Variants in CD37 observed in about 807,000 individuals in gnomAD.
CD37 encodes CD37 molecule.
In CD37, 37 loss-of-function variants were observed where a neutral mutation model predicts 38.9. The ratio of observed to expected loss-of-function variants is 0.95; its 90% CI spans 0.73 to 1.25. The LOEUF is 1.25. Ranked by LOEUF, CD37 falls within the 50% of genes most tolerant of loss-of-function variation. The probability of loss-of-function intolerance (pLI) is 0.00; values close to 1 mark genes in which losing one functional copy is unlikely to be tolerated. For synonymous variants in CD37, 146 were observed against 150.1 expected (o/e 0.97, Z 0.20); for missense variants, 351 against 360.1 (o/e 0.97, Z 0.20).
In CD37 at chr19:49,339,533, G is replaced by T. The variant is rs1971116916; in HGVS notation, c.768+120G>T. On this transcript the variant is annotated intron_variant, in intron 7 of 7. Transcript: ENST00000323906. This position sits in a 1 kb window ranked among gnomAD's most constrained non-coding sequence, Gnocchi z 4.5. ...CTCAGGGCGGAGCGCAGCCCACCCC[G>T]GCCCTCCCGCCGCTCCACCCAGCAC... The T allele has an allele frequency of 6.8e-7, 1 of 1,470,808 alleles. No homozygotes were observed. The highest frequency in any genetic ancestry group is 2.3e-5 in the East Asian group (1 of 42,628). The allele number at this position is 1,470,808 out of a possible 1,614,324, so 91.1% of individuals were successfully genotyped here.
Position 49,335,682 on chromosome 19 carries a change from C to A in CD37, c.70-32C>A. 4 of 1,612,132 alleles carry A rather than the reference C, an allele frequency of 2.5e-6. No individual in the cohort carries two copies. Among genetic ancestry groups the A allele is most frequent in the Non-Finnish European group, 3.4e-6 (4 of 1,178,270 alleles). ...ACCCAGCCCTCATCTTCCCCTGTGG[C>A]CCACCCCCGTATCCGCATCTCCTCT... On this transcript the variant is annotated intron_variant, in intron 1 of 7. Coordinates refer to ENST00000323906, the MANE Select transcript of CD37 (RefSeq NM_001774.3). This position sits in a 1 kb window ranked among gnomAD's most constrained non-coding sequence, Gnocchi z 4.6.
At position 49,339,325 on chromosome 19, in the gene CD37, C is replaced by G. The variant is rs770553318; in HGVS notation, c.685-5C>G. 2.6e-5 allele frequency: 42 copies of G among 1,613,500 alleles called. No individual in the cohort carries two copies. The highest frequency in any genetic ancestry group is 1.6e-4 in the Middle Eastern group (1 of 6,084). On this transcript the variant is annotated splice_region_variant and splice_polypyrimidine_tract_variant and intron_variant, in intron 6 of 7. Transcript: ENST00000323906. This position sits in a 1 kb window ranked among gnomAD's most constrained non-coding sequence, Gnocchi z 4.5. ...ATCCCTTTAACTTTTCCCTACACCC[C>G]CCAGGGCTGCGCGCAGGGCCTCCAG...
At position 49,339,229 on chromosome 19, in the gene CD37, G is replaced by T. The variant is rs1197570231; in HGVS notation, c.685-101G>T. On this transcript the variant is annotated intron_variant, in intron 6 of 7. Transcript: ENST00000323906. This position sits in a 1 kb window ranked among gnomAD's most constrained non-coding sequence, Gnocchi z 4.5. ...AGTGCCCTGGTGACTAGGGGAGCGGGTAGATGCCTGAAGACGGTGAGGGTT... is the reference window on the plus strand; with the variant it reads ...AGTGCCCTGGTGACTAGGGGAGCGGTTAGATGCCTGAAGACGGTGAGGGTT... 22 of 1,035,082 alleles carry T rather than the reference G, an allele frequency of 2.1e-5. No individual in the cohort carries two copies. In the Admixed American group the frequency reaches 4.2e-4, roughly 20 times the overall value. 64.1% of individuals were successfully genotyped at this position (1,035,082 alleles called of 1,614,324 possible).
chr19:49,340,197 C>T (rs1207588047), intron 7 of CD37, 54 bp from the exon 8 acceptor site: 1 of 1,541,378 alleles, frequency 6.5e-7, no homozygotes, highest in African/African-American at 1.4e-5. Flanking sequence ...GGGCATCACC[C>T]CCGTCTCGCC....
Position 49,339,196 on chromosome 19 carries a change from G to A in CD37, c.685-134G>A, listed in dbSNP as rs1971090511. 1 of 801,594 alleles carries A rather than the reference G, an allele frequency of 1.2e-6. No individual in the cohort carries two copies. Among genetic ancestry groups the A allele is most frequent in the Non-Finnish European group, 2.1e-6 (1 of 482,202 alleles). The allele number at this position is 801,594 out of a possible 1,614,324, so 49.7% of individuals were successfully genotyped here. A position where few individuals can be genotyped will look rare whatever the true frequency, so the allele number is the denominator to read the frequency against. On this transcript the variant is annotated intron_variant, in intron 6 of 7. Transcript: ENST00000323906. This position sits in a 1 kb window ranked among gnomAD's most constrained non-coding sequence, Gnocchi z 4.5. Reference sequence around the variant, plus strand: ...GGTGAAGCGAGGGTGCACTAGTAAGGAGACTAGAGTGCCCTGGTGACTAGG... The same window carrying A: ...GGTGAAGCGAGGGTGCACTAGTAAGAAGACTAGAGTGCCCTGGTGACTAGG...
At chr19:49,337,682 AC>A in intron 4 of CD37, 2 of 1,527,966 alleles carry the variant, frequency 1.3e-6, no homozygotes, top group Non-Finnish European at 1.8e-6. Context: ...AAAGGGAAAC[AC>A]ACGGGAAAAA....
At chr19:49,340,188 G>A (rs1971170486) in intron 7 of CD37, 63 bp from the exon 8 acceptor site, 2 of 1,523,348 alleles carry the variant, frequency 1.3e-6, no homozygotes, top group Non-Finnish European at 1.8e-6. Context: ...CGCCCGGGTG[G>A]GCATCACCCC....
chr19:49,339,904 G>A lies in CD37; in HGVS notation c.769-347G>A, dbSNP rs1971145106. 2 of 1,349,610 alleles carry A rather than the reference G, an allele frequency of 1.5e-6. No homozygotes were observed. Among genetic ancestry groups the A allele is most frequent in the South Asian group, 1.6e-5 (1 of 64,314 alleles). The allele number at this position is 1,349,610 out of a possible 1,614,324, so 83.6% of individuals were successfully genotyped here. ...GCTCTGGCCGCTGTGGGTTCAAGAC[G>A]AGGACCAGCCTGACACTGGAAGTGC... On this transcript the variant is annotated intron_variant, in intron 7 of 7. Transcript: ENST00000323906. This position sits in a 1 kb window ranked among gnomAD's most constrained non-coding sequence, Gnocchi z 4.5.
Position 49,339,684 on chromosome 19 carries a change from G to T in CD37, c.768+271G>T. 1.2e-5 allele frequency: 17 copies of T among 1,422,626 alleles called. No individual in the cohort carries two copies. Among genetic ancestry groups the T allele is most frequent in the Non-Finnish European group, 1.6e-5 (17 of 1,093,306 alleles). 88.1% of individuals were successfully genotyped at this position (1,422,626 alleles called of 1,614,324 possible). ...TGACTGTCATGGTGCTGAGCGTACA[G>T]CTACAGCGCAGGGCACTCCGCCGGA... is the stretch of plus-strand genomic sequence containing the variant. On this transcript the variant is annotated intron_variant, in intron 7 of 7. Coordinates refer to ENST00000323906, the MANE Select transcript of CD37 (RefSeq NM_001774.3). The surrounding 1 kb of genome is among the most constrained non-coding windows in gnomAD (Gnocchi z 4.5).
Position 49,339,393 on chromosome 19 carries a change from C to CT in CD37, c.749dup (p.Val252ArgfsTer54). On this transcript the variant is annotated frameshift_variant, in exon 7 of 8. Coordinates refer to ENST00000323906, the MANE Select transcript of CD37 (RefSeq NM_001774.3). LOFTEE classifies it high-confidence loss of function. This position sits in a 1 kb window ranked among gnomAD's most constrained non-coding sequence, Gnocchi z 4.5. The stretch of plus-strand genomic sequence containing the variant: ...CCTTATTTCCATAGTGGGCATTTGC[C>CT]TGGGCGTCGGCCTACTCGAGGTGAT... 1.9e-6 allele frequency: 3 copies of CT among 1,613,988 alleles called. No individual in the cohort carries two copies. Among genetic ancestry groups the CT allele is most frequent in the Non-Finnish European group, 2.5e-6 (3 of 1,179,938 alleles).
chr19:49,338,092 A>C lies in CD37; in HGVS notation c.447+63A>C. 6.3e-7 allele frequency: 1 copy of C among 1,579,742 alleles called. No homozygotes were observed. Among genetic ancestry groups the C allele is most frequent in the East Asian group, 2.3e-5 (1 of 43,372 alleles). Reference sequence around the variant, plus strand: ...CGCCTCAGCCCTGTGCTTGGAGGAGACTCCACCCCAACGTGGGCCCGACCC... The same window carrying C: ...CGCCTCAGCCCTGTGCTTGGAGGAGCCTCCACCCCAACGTGGGCCCGACCC... On this transcript the variant is annotated intron_variant, in intron 5 of 7. Transcript: ENST00000323906. This position sits in a 1 kb window ranked among gnomAD's most constrained non-coding sequence, Gnocchi z 5.0.
In CD37 at chr19:49,335,796, G is replaced by T. The variant is rs1438394808; in HGVS notation, c.142+10G>T. The T allele has an allele frequency of 1.2e-6, 2 of 1,607,236 alleles. No homozygotes were observed. Among genetic ancestry groups the T allele is most frequent in the Non-Finnish European group, 1.7e-6 (2 of 1,174,376 alleles). On this transcript the variant is annotated intron_variant, in intron 2 of 7. Transcript: ENST00000323906. This position sits in a 1 kb window ranked among gnomAD's most constrained non-coding sequence, Gnocchi z 4.6. ...TTCGTGTCCTTTGTGGGTGAGGGGG[G>T]CTGGGGCAGGTGGGAGGGCCTCCCC...
Position 49,339,420 on chromosome 19 carries a change from T to G in CD37, c.768+7T>G. On this transcript the variant is annotated splice_region_variant and intron_variant, in intron 7 of 7. Transcript: ENST00000323906. This position sits in a 1 kb window ranked among gnomAD's most constrained non-coding sequence, Gnocchi z 4.5. ...GGGCGTCGGCCTACTCGAGGTGATC[T>G]GGCCCCGCCCCCACCCGCGATCGGC... 6.2e-7 allele frequency: 1 copy of G among 1,612,624 alleles called. No individual in the cohort carries two copies. Among genetic ancestry groups the G allele is most frequent in the Non-Finnish European group, 8.5e-7 (1 of 1,178,972 alleles).
Position 49,339,150 on chromosome 19 carries a change from G to A in CD37, c.685-180G>A, listed in dbSNP as rs141500664. Among the ~76,000 whole-genome samples, 210 of 152,246 alleles carry A rather than the reference G, an allele frequency of 1.4e-3. 1 individual carries two copies. Among genetic ancestry groups the A allele is most frequent in the African/African-American group, 4.8e-3 (198 of 41,536 alleles). On this transcript the variant is annotated intron_variant, in intron 6 of 7. Transcript: ENST00000323906. The surrounding 1 kb of genome is among the most constrained non-coding windows in gnomAD (Gnocchi z 4.5). The stretch of plus-strand genomic sequence containing the variant: ...CTGGCTCTGGAATACAGATGTCTAG[G>A]GAGGGGCCAGGCTTGGAAAAGGTGA...
rs755365393 is a variant in CD37, at chr19:49,335,759, G to A, written c.115G>A (p.Asp39Asn). Residue 39 changes from aspartate to asparagine, a missense_variant, in exon 2 of 8, where the codon GAC (aspartate) becomes AAC (asparagine). Physicochemically the swap from Asp to Asn is conservative, Grantham distance 23. Coordinates refer to ENST00000323906, the MANE Select transcript of CD37 (RefSeq NM_001774.3). This position sits in a 1 kb window ranked among gnomAD's most constrained non-coding sequence, Gnocchi z 4.6. ...CTGCTTCGGCATCTGGATCCTCATT[G>A]ACAAGACCAGCTTCGTGTCCTTTGT... ...IFCFGIWILI[D>N]KTSFVSFVGL... 1.2e-5 allele frequency: 20 copies of A among 1,613,432 alleles called. No homozygotes were observed. The highest frequency in any genetic ancestry group is 1.6e-4 in the Middle Eastern group (1 of 6,084).
chr19:49,338,257 C>G lies in CD37; in HGVS notation c.447+228C>G. 1.5e-6 allele frequency: 2 copies of G among 1,312,156 alleles called. No homozygotes were observed. Among genetic ancestry groups the G allele is most frequent in the Non-Finnish European group, 2.0e-6 (2 of 993,456 alleles). 81.3% of individuals were successfully genotyped at this position (1,312,156 alleles called of 1,614,324 possible). Reference sequence around the variant, plus strand: ...TGGCTTCGCCATCTACCTCGAGAGACTCCGCCCCCGCCCCCGCCCCGACCA... The same window carrying G: ...TGGCTTCGCCATCTACCTCGAGAGAGTCCGCCCCCGCCCCCGCCCCGACCA... On this transcript the variant is annotated intron_variant, in intron 5 of 7. Transcript: ENST00000323906. The surrounding 1 kb of genome is among the most constrained non-coding windows in gnomAD (Gnocchi z 5.0).
intron 4 of CD37, chr19:49,337,491 G>C: frequency 1.6e-6 from 1 of 626,614 alleles, no homozygotes; most frequent in Non-Finnish European, 2.6e-6. Flanking sequence ...GTGTGATGGT[G>C]TGCACCTGGG....
intron 7 of CD37, 108 bp from the exon 8 acceptor site, chr19:49,340,143 C>T: frequency 5.2e-6 from 7 of 1,348,038 alleles, no homozygotes; most frequent in Non-Finnish European, 3.0e-6. Flanking sequence ...CCAGCCCCTT[C>T]CCGCCCAATT....
At chr19:49,336,582 A>T (rs1970964828) in intron 2 of CD37, 1 of 237,504 alleles carries the variant, frequency 4.2e-6, no homozygotes, top group Non-Finnish European at 8.3e-6. Context: ...AGAAATAGAT[A>T]TCATCTCCTA....
Sources: gnomAD v4.1 joint callset for allele counts (sites outside exome capture counted in the v4.1 genomes callset) on GRCh38, gnomAD v4.1.1 for gene constraint, Gnocchi (gnomAD v3.1) non-coding constraint, MANE v1.5 for transcripts, NCBI Gene and HGNC (gene_info 2026-07-23, HGNC 2026-07-21) for gene names.